The following CTDP1 variants were observed in gnomAD, a reference collection of about 807,000 sequenced individuals.
CTDP1 encodes CTD phosphatase 1, also known as RNA polymerase II subunit A C-terminal domain phosphatase.
In CTDP1, 47 loss-of-function variants were observed where a neutral mutation model predicts 91.8. That is an observed-to-expected ratio of 0.51 (90% CI 0.41 to 0.65). The LOEUF (loss-of-function observed/expected upper bound fraction) is 0.65. Among genes scored for constraint, CTDP1 ranks in the 30% least tolerant of loss-of-function variants. The probability of loss-of-function intolerance (pLI) is 0.00; values close to 1 mark genes in which losing one functional copy is unlikely to be tolerated. For synonymous variants in CTDP1, 656 were observed against 598.5 expected (o/e 1.10, Z -1.40); for missense variants, 1,272 against 1,373.7 (o/e 0.93, Z 1.17).
Position 79,736,538 on chromosome 18 carries a change from A to T in CTDP1, c.2747+17A>T. The stretch of plus-strand genomic sequence containing the variant: ...GGGGCCCAGGTGAGTGCGGGGTCTG[A>T]GGTGGGAGGGGCCTGACACGGGCTC... On this transcript the variant is annotated intron_variant, in intron 12 of 12. Transcript: ENST00000613122. 1 of 1,524,458 alleles carries T rather than the reference A, an allele frequency of 6.6e-7. No individual in the cohort carries two copies. The highest frequency in any genetic ancestry group is 8.8e-7 in the Non-Finnish European group (1 of 1,132,198). 94.4% of individuals were successfully genotyped at this position (1,524,458 alleles called of 1,614,324 possible).
intron 8 of CTDP1, 68 bp from the exon 9 acceptor site, chr18:79,717,467 C>G: frequency 6.2e-7 from 1 of 1,601,150 alleles, no homozygotes; most frequent in Non-Finnish European, 8.5e-7. Context: ...CTGGTGGGTG[C>G]AGCCGGATGT....
At chr18:79,694,914 C>A (rs1417425604) in intron 1 of CTDP1, among the ~76,000 whole-genome samples, 1 of 152,184 alleles carries the variant, frequency 6.6e-6, no homozygotes, top group African/African-American at 2.4e-5. Context: ...TGTTTTGAGA[C>A]AACTTTATGT....
intron 1 of CTDP1, among the ~76,000 whole-genome samples, chr18:79,689,197 TA>T (rs1282942365): frequency 6.6e-6 from 1 of 152,186 alleles, no homozygotes; most frequent in Non-Finnish European, 1.5e-5. Context: ...TTGCCTGGTT[TA>T]GTAGGACATC....
In CTDP1 at chr18:79,728,996, G is replaced by A. The variant is rs36016798; in HGVS notation, c.2507G>A (p.Arg836Gln). 55 of 1,614,036 alleles carry A rather than the reference G, an allele frequency of 3.4e-5. No homozygotes were observed. Among genetic ancestry groups the A allele is most frequent in the East Asian group, 8.9e-5 (4 of 44,882 alleles). Residue 836 changes from arginine (R) to glutamine (Q), a missense_variant, in exon 11 of 13, where the codon CGA becomes CAA. Physicochemically the swap from Arg to Gln is conservative, Grantham distance 43. Around this residue, in one of 3 missense-constraint regions of CTDP1, gnomAD observed 881 missense variants for 911.6 expected, o/e 0.97. Coordinates refer to ENST00000613122, the MANE Select transcript of CTDP1 (RefSeq NM_004715.5). ...CAGCCTGGCCCTTCTAGAAGAAAGC[G>A]ACAGCCCAGTATGTCTGAGACAATG... Reference protein sequence around the residue: ...GEQPGPSRRKRQPSMSETMPL... With the variant: ...GEQPGPSRRKQQPSMSETMPL...
At chr18:79,732,013 A>G (rs2086575571) in intron 11 of CTDP1, among the ~76,000 whole-genome samples, 1 of 151,834 alleles carries the variant, frequency 6.6e-6, no homozygotes, top group African/African-American at 2.4e-5. Flanking sequence ...AGATGTAAGA[A>G]CTCACTAACA....
At chr18:79,692,996 G>C (rs1048311699) in intron 1 of CTDP1, among the ~76,000 whole-genome samples, 3 of 152,226 alleles carry the variant, frequency 2.0e-5, no homozygotes, top group African/African-American at 7.2e-5. Context: ...TGGCGGTGGG[G>C]CCGCAGAGCC....
Position 79,704,011 on chromosome 18 carries a change from C to T in CTDP1, c.622-756C>T, listed in dbSNP as rs533882347. ...TCATCGGTGGTTATCATGTAGTTAC[C>T]GTAGGCTGTTACTGTTAACGTGGTA... On this transcript the variant is annotated intron_variant, in intron 4 of 12. Transcript: ENST00000613122. Among the ~76,000 whole-genome samples, 197 of 152,000 alleles carry T rather than the reference C, an allele frequency of 1.3e-3. 2 individuals carry two copies. Among genetic ancestry groups the T allele is most frequent in the African/African-American group, 2.3e-3 (96 of 41,462 alleles).
At chr18:79,682,045 A>C (rs1158469310) in intron 1 of CTDP1, among the ~76,000 whole-genome samples, 2 of 152,162 alleles carry the variant, frequency 1.3e-5, no homozygotes, top group East Asian at 3.9e-4. Context: ...TTTAGTCTAA[A>C]GCCCTGTGTG....
intron 1 of CTDP1, among the ~76,000 whole-genome samples, chr18:79,689,131 A>T (rs1160204222): frequency 6.6e-6 from 1 of 152,194 alleles, no homozygotes; most frequent in Non-Finnish European, 1.5e-5. Flanking sequence ...CCCACGTGGC[A>T]TCGCTGGTTG....
At chr18:79,701,829 C>T (rs898573861) in intron 4 of CTDP1, among the ~76,000 whole-genome samples, 1 of 152,068 alleles carries the variant, frequency 6.6e-6, no homozygotes, top group East Asian at 1.9e-4. Context: ...GAGACCCCAG[C>T]GGAGGAAGGA....
chr18:79,681,325 G>A (rs984509188), intron 1 of CTDP1: 2 of 359,290 alleles, frequency 5.6e-6, no homozygotes, highest in African/African-American at 2.2e-5. Context: ...GGGCTGGGAG[G>A]TTCAGGGCCT....
At chr18:79,720,504 C>T (rs558255360) in intron 10 of CTDP1, among the ~76,000 whole-genome samples, 4 of 148,338 alleles carry the variant, frequency 2.7e-5, no homozygotes, top group African/African-American at 7.5e-5. Flanking sequence ...CACCTCCCAT[C>T]GTGTCCTAGT....
At position 79,715,186 on chromosome 18, in the gene CTDP1, A is replaced by T; in HGVS notation, c.1726A>T (p.Met576Leu). 6.2e-7 allele frequency: 1 copy of T among 1,607,760 alleles called. No individual in the cohort carries two copies. The highest frequency in any genetic ancestry group is 8.5e-7 in the Non-Finnish European group (1 of 1,177,316). ...TGCGGGTGAGTCCCTGGACCAGAGC[A>T]TGGAGGAGGAGGAGGAGGAGGACAC... ...VTAGESLDQS[M>L]EEEEEEDTDE... is the part of the protein sequence containing the mutation. Residue 576 changes from methionine to leucine, a missense_variant, in exon 8 of 13, where the codon ATG (methionine) becomes TTG (leucine). Coordinates refer to ENST00000613122, the MANE Select transcript of CTDP1 (RefSeq NM_004715.5).
chr18:79,685,768 G>A (rs62097710), intron 1 of CTDP1, among the ~76,000 whole-genome samples: 37 of 152,132 alleles, frequency 2.4e-4, no homozygotes, highest in East Asian at 5.8e-4. Flanking sequence ...GTGCACGAAC[G>A]TCGTCACCTA....
rs1478898540 is a variant in CTDP1, at chr18:79,742,334, G to A, written c.2747+5813G>A. On this transcript the variant is annotated intron_variant, in intron 12 of 12. Coordinates refer to ENST00000613122, the MANE Select transcript of CTDP1 (RefSeq NM_004715.5). ...GGAGGCATGAGGCGTCCATGGGAGA[G>A]AGGCCTGAGGGTGGGAGAACCCATC... Among the ~76,000 whole-genome samples the A allele has an allele frequency of 2.6e-5, 4 of 152,178 alleles. No homozygotes were observed. The East Asian group carries it at 7.7e-4, about 29-fold the overall frequency.
At chr18:79,745,293 G>A (rs111787274) in intron 12 of CTDP1, among the ~76,000 whole-genome samples, 188 of 128,708 alleles carry the variant, frequency 1.5e-3, no homozygotes, top group Non-Finnish European at 1.5e-3. Context: ...CTGTCCCTGC[G>A]TCCCTCCCGT....
intron 3 of CTDP1, among the ~76,000 whole-genome samples, chr18:79,696,712 A>C (rs1338087513): frequency 6.6e-6 from 1 of 152,160 alleles, no homozygotes; most frequent in Non-Finnish European, 1.5e-5. Context: ...GCAGGTGTTC[A>C]CGTGCCCAGT....
At position 79,713,899 on chromosome 18, in the gene CTDP1, C is replaced by T. The variant is rs1382289280; in HGVS notation, c.1031-592C>T. ...CTGCAGGGGCTTACGGCCACGGTGGCGCCAGGTCTGCAGGGGCTTACGGCC... is the reference window on the plus strand; with the variant it reads ...CTGCAGGGGCTTACGGCCACGGTGGTGCCAGGTCTGCAGGGGCTTACGGCC... On this transcript the variant is annotated intron_variant, in intron 7 of 12. Transcript: ENST00000613122. The surrounding 1 kb of genome is among the most constrained non-coding windows in gnomAD (Gnocchi z 4.7). Among the ~76,000 whole-genome samples, 4 of 149,780 alleles carry T rather than the reference C, an allele frequency of 2.7e-5. No homozygotes were observed. Among genetic ancestry groups the T allele is most frequent in the Admixed American group, 2.0e-4 (3 of 15,054 alleles).
chr18:79,698,871 G>A (rs569937145), intron 4 of CTDP1, among the ~76,000 whole-genome samples: 11 of 152,278 alleles, frequency 7.2e-5, no homozygotes, highest in South Asian at 2.1e-4. Context: ...ATGCCGGGGC[G>A]TGGTACCAAC....
Sources: gnomAD v4.1 joint callset for allele counts (sites outside exome capture counted in the v4.1 genomes callset) on GRCh38, gnomAD v4.1.1 for gene constraint, gnomAD v4.1.1 regional missense constraint, Gnocchi (gnomAD v3.1) non-coding constraint, MANE v1.5 for transcripts, NCBI Gene and HGNC (gene_info 2026-07-23, HGNC 2026-07-21) for gene names.